SLC44A5: variants seen among roughly 807,000 people sequenced by gnomAD.
SLC44A5 encodes solute carrier family 44 member 5.
Under a neutral mutation model 101.8 loss-of-function variants are expected in SLC44A5, and 57 were observed. The observed-to-expected ratio is 0.56, with a 90% confidence interval of 0.45 to 0.70. The LOEUF (loss-of-function observed/expected upper bound fraction) is 0.70. Among genes scored for constraint, SLC44A5 ranks in the 30% least tolerant of loss-of-function variants. The probability of loss-of-function intolerance (pLI) is 0.00; values close to 1 mark genes in which losing one functional copy is unlikely to be tolerated. For missense variants in SLC44A5, 737 were observed against 853.1 expected (o/e 0.86, Z 1.70); for synonymous variants, 281 against 290.9 (o/e 0.97, Z 0.35).
intron 3 of SLC44A5, among the ~76,000 whole-genome samples, chr1:75,385,318 A>C (rs1661232879): frequency 6.7e-6 from 1 of 149,052 alleles, no homozygotes; most frequent in Non-Finnish European, 1.5e-5. Context: ...TAGCAAGACT[A>C]ATAAAGAAAA....
intron 2 of SLC44A5, among the ~76,000 whole-genome samples, chr1:75,494,441 CT>C (rs1299127237): frequency 6.6e-6 from 1 of 152,182 alleles, no homozygotes; most frequent in African/African-American, 2.4e-5. Flanking sequence ...ACTTGCATAT[CT>C]CTGGAAGTTG....
intron 2 of SLC44A5, among the ~76,000 whole-genome samples, chr1:75,516,795 G>A (rs1343301548): frequency 6.6e-6 from 1 of 152,092 alleles, no homozygotes; most frequent in Non-Finnish European, 1.5e-5. Flanking sequence ...GCTGGGGTAA[G>A]AACTTTTAAA....
intron 4 of SLC44A5, among the ~76,000 whole-genome samples, chr1:75,329,163 TTCAGAGTTAC>T (rs1656832169): frequency 6.6e-6 from 1 of 152,190 alleles, no homozygotes; most frequent in South Asian, 2.1e-4. Context: ...ATGTGGTCAT[TTCAGAGTTAC>T]TCTAGACTCC....
At chr1:75,384,722 A>C (rs1661174600) in intron 3 of SLC44A5, among the ~76,000 whole-genome samples, 1 of 129,814 alleles carries the variant, frequency 7.7e-6, no homozygotes, top group African/African-American at 3.0e-5. Context: ...AGACATCTAC[A>C]GAACTCTCCA....
chr1:75,469,004 G>C (rs1666967731), intron 2 of SLC44A5, among the ~76,000 whole-genome samples: 2 of 152,078 alleles, frequency 1.3e-5, no homozygotes. Context: ...TATATATATT[G>C]CATGCCAGGT....
intron 1 of SLC44A5, among the ~76,000 whole-genome samples, chr1:75,569,942 C>G (rs1242744267): frequency 6.6e-6 from 1 of 152,160 alleles, no homozygotes. Flanking sequence ...ATAAAGGGCT[C>G]ACTATCAACA....
At chr1:75,478,439 G>T (rs1000758931) in intron 2 of SLC44A5, among the ~76,000 whole-genome samples, 72 of 152,200 alleles carry the variant, frequency 4.7e-4, no homozygotes, top group African/African-American at 3.4e-4. Flanking sequence ...ATGCTCCAAT[G>T]GAAAGACACA....
At chr1:75,566,611 AATG>A (rs1211373876) in intron 1 of SLC44A5, among the ~76,000 whole-genome samples, 2 of 152,234 alleles carry the variant, frequency 1.3e-5, no homozygotes, top group Admixed American at 6.5e-5. Context: ...TATGCATTTG[AATG>A]ATGTGTAAAT....
intron 1 of SLC44A5, among the ~76,000 whole-genome samples, chr1:75,584,212 A>G (rs182411): frequency 0.69 from 104,187 of 152,066 alleles, 36,257 homozygotes; most frequent in East Asian, 0.84. Context: ...GAGCTTCTGT[A>G]GTCTAGTCTA....
chr1:75,411,421 T>G (rs1663271075), intron 2 of SLC44A5, among the ~76,000 whole-genome samples: 1 of 152,004 alleles, frequency 6.6e-6, no homozygotes, highest in Non-Finnish European at 1.5e-5. Flanking sequence ...TAATTACGTT[T>G]CCCCCTCTAA....
the SLC44A5 span, among the ~76,000 whole-genome samples, chr1:75,660,049 C>T: frequency 6.6e-6 from 1 of 151,866 alleles, no homozygotes; most frequent in Non-Finnish European, 1.5e-5. Flanking sequence ...ACTAATATTA[C>T]AAAAATTAGC....
chr1:75,371,775 T>A (rs1660242248), intron 3 of SLC44A5, among the ~76,000 whole-genome samples: 1 of 152,232 alleles, frequency 6.6e-6, no homozygotes, highest in Non-Finnish European at 1.5e-5. Context: ...TATATTTTTT[T>A]ATTTAGTTCA....
the SLC44A5 span, among the ~76,000 whole-genome samples, chr1:75,716,633 C>T: frequency 8.5e-5 from 13 of 152,208 alleles, no homozygotes; most frequent in African/African-American, 3.1e-4. Context: ...GAATATACAT[C>T]ATTCTACCAT....
At chr1:75,607,135 A>T (rs573010870) in intron 1 of SLC44A5, among the ~76,000 whole-genome samples, 71 of 151,930 alleles carry the variant, frequency 4.7e-4, no homozygotes, top group Non-Finnish European at 9.0e-4. Flanking sequence ...TCAAACCCAA[A>T]TGTGTCCAAA....
intron 14 of SLC44A5, among the ~76,000 whole-genome samples, chr1:75,220,489 T>C (rs576643419): frequency 6.6e-5 from 10 of 152,276 alleles, no homozygotes; most frequent in Middle Eastern, 3.4e-3. Flanking sequence ...CTTATTCTTT[T>C]TTCTTTGGAA....
intron 14 of SLC44A5, 97 bp downstream of exon 14, chr1:75,222,264 T>C: frequency 1.1e-6 from 1 of 951,156 alleles, no homozygotes; most frequent in East Asian, 2.5e-5. Flanking sequence ...CAAAAAGTGT[T>C]CTTAAAAGGA....
chr1:75,256,757 G>A (rs1226918164), intron 6 of SLC44A5, among the ~76,000 whole-genome samples: 1 of 152,108 alleles, frequency 6.6e-6, no homozygotes, highest in African/African-American at 2.4e-5. Context: ...CTTACATAAA[G>A]ATGAGCTGAG....
At chr1:75,396,790 T>TTGTGTATATTATTG (rs1469286266) in intron 2 of SLC44A5, among the ~76,000 whole-genome samples, 169 bp from the exon 3 acceptor site, 1 of 152,134 alleles carries the variant, frequency 6.6e-6, no homozygotes, top group Non-Finnish European at 1.5e-5. Context: ...AAGCTGCCAA[T>TTGTGTATATTATTG]AATGAGCATT....
At chr1:75,697,608 G>A in the SLC44A5 span, among the ~76,000 whole-genome samples, 3 of 152,256 alleles carry the variant, frequency 2.0e-5, no homozygotes, top group Middle Eastern at 3.4e-3. Context: ...GCAACACGGC[G>A]AAACTGTCTC....
Sources: allele counts gnomAD v4.1 joint callset (sites outside exome capture counted in the v4.1 genomes callset), GRCh38; gene constraint gnomAD v4.1.1; transcripts MANE v1.5; gene names NCBI Gene and HGNC (gene_info 2026-07-23, HGNC 2026-07-21).